Variants in SRPK1 observed in about 807,000 individuals in gnomAD.
SRPK1 encodes the protein SFRS protein kinase 1.
SRPK1 carries 52 observed loss-of-function variants against 89.5 expected under a neutral mutation model. The ratio of observed to expected loss-of-function variants is 0.58; its 90% confidence interval spans 0.46 to 0.73. SRPK1 has a LOEUF of 0.73. Ranked by LOEUF, SRPK1 falls within the 30% of genes least tolerant of loss-of-function variation. The probability of loss-of-function intolerance (pLI) is 0.00; values close to 1 mark genes in which losing one functional copy is unlikely to be tolerated. For synonymous variants in SRPK1, 255 were observed against 270.2 expected, an observed-to-expected ratio of 0.94 and a Z score of 0.55; for missense variants, 603 against 780.6, an observed-to-expected ratio of 0.77 and a Z score of 2.71.
intron 12 of SRPK1, 132 bp from the exon 13 acceptor site, chr6:35,857,500 T>TAAG: frequency 1.5e-6 from 1 of 683,616 alleles, no homozygotes; most frequent in Middle Eastern, 3.2e-4. Context: ...TGCTTATTTC[T>TAAG]TAAACAGCAT....
intron 13 of SRPK1, among the ~76,000 whole-genome samples, chr6:35,844,111 T>A (rs1396652999): frequency 6.6e-6 from 1 of 151,398 alleles, no homozygotes; most frequent in Admixed American, 6.6e-5. Context: ...TTCATGTCAT[T>A]CTCCTGCCTC....
intron 12 of SRPK1, among the ~76,000 whole-genome samples, chr6:35,859,948 T>A (rs553571898): frequency 6.6e-6 from 1 of 151,676 alleles, no homozygotes; most frequent in South Asian, 2.1e-4. Flanking sequence ...AAGCTCTGCC[T>A]CCTGGGTTCA....
At chr6:35,876,433 T>A (rs936880961) in intron 6 of SRPK1, among the ~76,000 whole-genome samples, 2 of 152,058 alleles carry the variant, frequency 1.3e-5, no homozygotes, top group African/African-American at 4.8e-5. Flanking sequence ...GCCCAGGAGT[T>A]CAAGAAGACC....
chr6:35,837,829 A>AT (rs1271871092), intron 15 of SRPK1, among the ~76,000 whole-genome samples: 12 of 145,290 alleles, frequency 8.3e-5, no homozygotes, highest in Admixed American at 8.2e-4. Context: ...AAGTGTTGGG[A>AT]TTACAGGCGT....
At position 35,907,610 on chromosome 6, in the gene SRPK1, C is replaced by A. The variant is rs142872819; in HGVS notation, c.74+12858G>T. Among the ~76,000 whole-genome samples, 580 of 152,024 alleles carry A rather than the reference C, an allele frequency of 3.8e-3. 2 individuals are homozygous for A. The highest frequency in any genetic ancestry group is 0.013 in the African/African-American group (545 of 41,460). ...ATCCCAGCTACTTGGGAGGCTGAGG[C>A]AGGAGAATCACTTGAACCCGGGAGG... On this transcript the variant is annotated intron_variant, in intron 2 of 15. Coordinates refer to ENST00000373825, the MANE Select transcript of SRPK1 (RefSeq NM_003137.5).
Position 35,881,395 on chromosome 6 carries a change from T to C in SRPK1, c.478+5329A>G, listed in dbSNP as rs188112027. On this transcript the variant is annotated intron_variant, in intron 6 of 15. Transcript: ENST00000373825. ...AAAAAATAATTAGTCTAAAAGCTAG[T>C]ATGATTATAACTTTGGTTTGGTAGA... 5.2e-3 allele frequency among the ~76,000 whole-genome samples: 786 copies of C among 152,116 alleles called. 9 individuals carry two copies. The highest frequency in any genetic ancestry group is 0.018 in the African/African-American group (733 of 41,500).
In SRPK1 at chr6:35,886,742, A is replaced by G. The variant is rs1770416433; in HGVS notation, c.460T>C (p.Ser154Pro). The change falls in exon 6 of 16, where the codon TCA (serine) becomes CCA (proline). Residue 154 changes from serine to proline, a missense_variant. Ser to Pro is a moderately conservative substitution (Grantham distance 74). Coordinates refer to ENST00000373825, the MANE Select transcript of SRPK1 (RefSeq NM_003137.5). ...AGGATACGTGTTCCATTAACTCCTG[A>G]TATTTTAAAGTCATCTAGTAGTTGA... Reference protein sequence around the residue: ...VVQLLDDFKISGVNGTHICMV... With the variant: ...VVQLLDDFKIPGVNGTHICMV... 3 of 1,601,196 alleles carry G rather than the reference A, an allele frequency of 1.9e-6. No homozygotes were observed. Among genetic ancestry groups the G allele is most frequent in the Non-Finnish European group, 1.7e-6 (2 of 1,168,606 alleles).
rs57574093 is a variant in SRPK1 at position 35,915,997 on chromosome 6, TACACACACAC to T, written c.74+4461_74+4470del. 6.5e-3 allele frequency among the ~76,000 whole-genome samples: 584 copies of T among 90,160 alleles called. 22 individuals are homozygous for T. The highest frequency in any genetic ancestry group is 0.022 in the African/African-American group (393 of 17,676). 59.1% of individuals were successfully genotyped at this position (90,160 alleles called of 152,430 possible). A position where few individuals can be genotyped will look rare whatever the true frequency, so the allele number is the denominator to read the frequency against. ...AAAAACAAAAAAAAAAAAAAATATA[TACACACACAC>T]ACACACACACACACACACACACACA... On this transcript the variant is annotated intron_variant, in intron 2 of 15. Transcript: ENST00000373825.
At chr6:35,885,539 T>C (rs1236424719) in intron 6 of SRPK1, among the ~76,000 whole-genome samples, 1 of 152,142 alleles carries the variant, frequency 6.6e-6, no homozygotes, top group Non-Finnish European at 1.5e-5. Context: ...TCTCTTCCCA[T>C]AGTCTACATG....
intron 2 of SRPK1, among the ~76,000 whole-genome samples, chr6:35,919,311 G>A (rs1056038572): frequency 1.3e-5 from 2 of 152,138 alleles, no homozygotes; most frequent in Admixed American, 6.5e-5. Context: ...TATTGAAAGA[G>A]AGAAGTCATT....
intron 12 of SRPK1, among the ~76,000 whole-genome samples, chr6:35,860,317 A>G (rs1198025760): frequency 6.6e-6 from 1 of 152,144 alleles, no homozygotes; most frequent in Non-Finnish European, 1.5e-5. Flanking sequence ...TCATGAATGG[A>G]TTAATGGGTT....
chr6:35,916,023 C>T (rs1771092575), intron 2 of SRPK1, among the ~76,000 whole-genome samples: 3 of 100,484 alleles, frequency 3.0e-5, no homozygotes, highest in Admixed American at 9.9e-5. Flanking sequence ...CACACACACA[C>T]ACACACACAC....
intron 13 of SRPK1, among the ~76,000 whole-genome samples, chr6:35,851,116 C>T (rs1048623032): frequency 1.3e-5 from 2 of 151,630 alleles, no homozygotes; most frequent in African/African-American, 2.4e-5. Context: ...GATCCATTTG[C>T]GAAATGATGA....
intron 2 of SRPK1, among the ~76,000 whole-genome samples, chr6:35,913,112 C>A (rs547755797): frequency 6.6e-6 from 1 of 152,340 alleles, no homozygotes; most frequent in East Asian, 1.9e-4. Context: ...CACCCGCAGC[C>A]TTATTCACTT....
At chr6:35,862,534 G>C (rs1384635298) in intron 12 of SRPK1, among the ~76,000 whole-genome samples, 1 of 151,934 alleles carries the variant, frequency 6.6e-6, no homozygotes, top group Non-Finnish European at 1.5e-5. Flanking sequence ...CCCTACAAAA[G>C]CAATTTCAAA....
intron 2 of SRPK1, among the ~76,000 whole-genome samples, chr6:35,911,545 T>G (rs1047769705): frequency 3.3e-5 from 5 of 151,844 alleles, no homozygotes; most frequent in African/African-American, 9.7e-5. Context: ...TGAGACCCTG[T>G]CTCAAAATAA....
chr6:35,840,988 A>G (rs939499729), intron 14 of SRPK1, among the ~76,000 whole-genome samples: 1 of 152,160 alleles, frequency 6.6e-6, no homozygotes, highest in African/African-American at 2.4e-5. Flanking sequence ...ACCCGATATA[A>G]TTCTAGCCAC....
intron 14 of SRPK1, 69 bp from the exon 15 acceptor site, chr6:35,838,498 T>C: frequency 7.1e-7 from 1 of 1,410,134 alleles, no homozygotes; most frequent in Non-Finnish European, 9.6e-7. Context: ...AATGCAGCTC[T>C]AGAAAACAGC....
intron 12 of SRPK1, 38 bp from the exon 13 acceptor site, chr6:35,857,406 C>A: frequency 6.7e-7 from 1 of 1,486,284 alleles, no homozygotes; most frequent in South Asian, 1.2e-5. Flanking sequence ...AAACTTCATT[C>A]TAAAAAGTAA....
Sources: allele counts gnomAD v4.1 joint callset (sites outside exome capture counted in the v4.1 genomes callset), GRCh38; gene constraint gnomAD v4.1.1; transcripts MANE v1.5; gene names NCBI Gene and HGNC (gene_info 2026-07-23, HGNC 2026-07-21).